Variants in TMEM117 observed in about 807,000 individuals in gnomAD.
TMEM117 encodes transmembrane protein 117.
In TMEM117, 27 loss-of-function variants were observed where a neutral mutation model predicts 52.4. The observed-to-expected ratio is 0.51, with a 90% CI of 0.38 to 0.71. The LOEUF (loss-of-function observed/expected upper bound fraction) is 0.71, where lower values mean the gene tolerates loss of function less well. Ranked by LOEUF, TMEM117 falls within the 30% of genes least tolerant of loss-of-function variation. The probability of loss-of-function intolerance (pLI) is 0.00; values close to 1 mark genes in which losing one functional copy is unlikely to be tolerated. For missense variants in TMEM117, 556 were observed against 630.5 expected (o/e 0.88, Z 1.26); for synonymous variants, 215 against 206.3 (o/e 1.04, Z -0.36).
rs538867867 is a variant in TMEM117 at position 44,114,151 on chromosome 12, C to G, written c.411-29374C>G. On this transcript the variant is annotated intron_variant, in intron 3 of 7. Transcript: ENST00000266534. ...GAACCCGGTACCTCAGATGGAAATG[C>G]AGTAATCACCCGTCTTCTGCGTCGC... Among the ~76,000 whole-genome samples the G allele has an allele frequency of 7.0e-3, 1,059 of 151,750 alleles. 16 individuals carry two copies. Among genetic ancestry groups the G allele is most frequent in the African/African-American group, 0.024 (1,004 of 41,264 alleles).
chr12:43,855,333 G>T (rs931695537), intron 2 of TMEM117, among the ~76,000 whole-genome samples: 21 of 151,658 alleles, frequency 1.4e-4, no homozygotes, highest in African/African-American at 3.9e-4. Context: ...TGTGATCTTG[G>T]CTCACTGCAA....
chr12:44,337,073 GA>G (rs1167928589), intron 6 of TMEM117, among the ~76,000 whole-genome samples: 2 of 152,008 alleles, frequency 1.3e-5, no homozygotes, highest in African/African-American at 4.8e-5. Context: ...GCTTATAGAA[GA>G]AGCTGTCTTA....
At chr12:44,279,364 A>G (rs1292507581) in intron 5 of TMEM117, among the ~76,000 whole-genome samples, 1 of 152,208 alleles carries the variant, frequency 6.6e-6, no homozygotes, top group Non-Finnish European at 1.5e-5. Flanking sequence ...AAATTGTTTT[A>G]AATAAATTAT....
chr12:43,964,515 T>G (rs1945454233), intron 3 of TMEM117, among the ~76,000 whole-genome samples: 1 of 152,246 alleles, frequency 6.6e-6, no homozygotes, highest in African/African-American at 2.4e-5. Flanking sequence ...GAAGGAAATA[T>G]ATAGAATATT....
intron 3 of TMEM117, among the ~76,000 whole-genome samples, chr12:44,064,270 T>C (rs1158167833): frequency 6.6e-6 from 1 of 152,204 alleles, no homozygotes; most frequent in Non-Finnish European, 1.5e-5. Flanking sequence ...TTTTAAAAAG[T>C]TTAAAAGTTT....
chr12:44,171,250 C>T (rs1420908398), intron 4 of TMEM117, among the ~76,000 whole-genome samples: 9 of 152,034 alleles, frequency 5.9e-5, no homozygotes, highest in Admixed American at 3.9e-4. Context: ...CTCCTGACCT[C>T]GTGATCCGCC....
chr12:44,143,489 GA>G, intron 3 of TMEM117, 35 bp from the exon 4 acceptor site: 1 of 1,534,568 alleles, frequency 6.5e-7, no homozygotes, highest in Non-Finnish European at 8.9e-7. Flanking sequence ...ATGACTCTCT[GA>G]GTCCGGACAA....
At chr12:43,896,816 T>A (rs578112692) in intron 2 of TMEM117, among the ~76,000 whole-genome samples, 50 of 152,282 alleles carry the variant, frequency 3.3e-4, no homozygotes, top group African/African-American at 1.1e-3. Flanking sequence ...TATCATTTTA[T>A]CATATTTTCT....
chr12:44,241,475 T>A (rs1276512173), intron 5 of TMEM117, among the ~76,000 whole-genome samples: 3 of 152,004 alleles, frequency 2.0e-5, no homozygotes, highest in Non-Finnish European at 2.9e-5. Flanking sequence ...TTGGTGATAG[T>A]GGACAATTTT....
intron 4 of TMEM117, among the ~76,000 whole-genome samples, chr12:44,209,264 A>G (rs1427703407): frequency 6.6e-6 from 1 of 152,076 alleles, no homozygotes; most frequent in East Asian, 1.9e-4. Context: ...TTTTTCCAGT[A>G]ACAATGTAAT....
chr12:43,939,207 C>A (rs1945004873), intron 2 of TMEM117, among the ~76,000 whole-genome samples: 1 of 152,078 alleles, frequency 6.6e-6, no homozygotes, highest in African/African-American at 2.4e-5. Context: ...CAAATATACT[C>A]CTTTAAGTAG....
At chr12:44,339,899 G>A (rs1015180806) in intron 6 of TMEM117, among the ~76,000 whole-genome samples, 30 of 151,748 alleles carry the variant, frequency 2.0e-4, no homozygotes, top group African/African-American at 5.8e-4. Flanking sequence ...AGTGTTTTCC[G>A]AACCTGACAA....
intron 3 of TMEM117, among the ~76,000 whole-genome samples, chr12:44,079,735 G>A (rs910782167): frequency 1.3e-5 from 2 of 151,912 alleles, no homozygotes; most frequent in Non-Finnish European, 2.9e-5. Context: ...TAAAAATGAG[G>A]GCCAGGTGCA....
intron 3 of TMEM117, chr12:44,009,364 T>A (rs1946253415): frequency 4.8e-6 from 1 of 209,254 alleles, no homozygotes; most frequent in Non-Finnish European, 9.7e-6. Flanking sequence ...CATTACAACA[T>A]CATAAAGTCT....
At chr12:44,245,116 G>A (rs950020916) in intron 5 of TMEM117, among the ~76,000 whole-genome samples, 2 of 152,128 alleles carry the variant, frequency 1.3e-5, no homozygotes, top group East Asian at 3.9e-4. Flanking sequence ...TTGAAATCAG[G>A]TAGTGTGATA....
intron 6 of TMEM117, among the ~76,000 whole-genome samples, chr12:44,344,014 G>A (rs1012235339): frequency 6.6e-6 from 1 of 152,074 alleles, no homozygotes; most frequent in Non-Finnish European, 1.5e-5. Context: ...CATAGCGGTT[G>A]GTTGCCTGGC....
At chr12:43,991,482 CTCTG>C (rs1042915908) in intron 3 of TMEM117, among the ~76,000 whole-genome samples, 5 of 148,632 alleles carry the variant, frequency 3.4e-5, no homozygotes, top group African/African-American at 7.7e-5. Context: ...TCTAATCTAT[CTCTG>C]TCTATCTATC....
At chr12:44,155,651 A>G (rs1357524980) in intron 4 of TMEM117, among the ~76,000 whole-genome samples, 2 of 152,104 alleles carry the variant, frequency 1.3e-5, no homozygotes, top group Non-Finnish European at 2.9e-5. Flanking sequence ...AACATCTGGT[A>G]TGAGATAAAA....
chr12:44,389,069 A>G lies in TMEM117; in HGVS notation c.*397A>G, dbSNP rs1286182433. 1 of 172,748 alleles carries G rather than the reference A, an allele frequency of 5.8e-6. No homozygotes were observed. The highest frequency in any genetic ancestry group is 1.3e-5 in the Non-Finnish European group (1 of 79,190). 10.7% of individuals were successfully genotyped at this position (172,748 alleles called of 1,614,324 possible). ...ATTTCACATGGGCGTTTTGTATACAACTATTTTGATCTACACTTGATGTCT... is the reference window on the plus strand; with the variant it reads ...ATTTCACATGGGCGTTTTGTATACAGCTATTTTGATCTACACTTGATGTCT... On this transcript the variant is annotated 3_prime_UTR_variant, in exon 8 of 8. Coordinates refer to ENST00000266534, the MANE Select transcript of TMEM117 (RefSeq NM_032256.3).
Sources: allele counts gnomAD v4.1 joint callset (sites outside exome capture counted in the v4.1 genomes callset), GRCh38; gene constraint gnomAD v4.1.1; transcripts MANE v1.5; gene names NCBI Gene and HGNC (gene_info 2026-07-23, HGNC 2026-07-21).